Variants in PIK3AP1 observed in about 807,000 individuals in gnomAD.
PIK3AP1 encodes the protein phosphoinositide 3-kinase adapter protein 1.
Under a neutral mutation model 88.1 loss-of-function variants are expected in PIK3AP1, and 21 were observed. That is an observed-to-expected ratio of 0.24 (90% CI 0.17 to 0.34). PIK3AP1 has a LOEUF of 0.34. Among genes scored for constraint, PIK3AP1 ranks in the 10% least tolerant of loss-of-function variants. The pLI, the probability that PIK3AP1 is intolerant of heterozygous loss-of-function variation, is 1.00. For missense variants in PIK3AP1, 828 were observed against 1,035.7 expected (o/e 0.80, Z 2.75); for synonymous variants, 398 against 400.0 (o/e 1.00, Z 0.06).
At chr10:96,637,869 T>C (rs944421689) in intron 8 of PIK3AP1, among the ~76,000 whole-genome samples, 8 of 152,170 alleles carry the variant, frequency 5.3e-5, no homozygotes, top group African/African-American at 1.4e-4. Context: ...CTACTCCTGG[T>C]TGGACATCAA....
In PIK3AP1 at chr10:96,626,826, A is replaced by G. The variant is rs142087930; in HGVS notation, c.1551T>C (p.Asp517=). The G allele has an allele frequency of 7.4e-4, 1,188 of 1,614,208 alleles. No individual in the cohort carries two copies. Among genetic ancestry groups the G allele is most frequent in the Non-Finnish European group, 9.5e-4 (1,123 of 1,179,986 alleles). ...GGTCCACAGAAAAGGCCTCATCGTCATCCACCGTGTGATAAACATCTTCTT... is the reference window on the plus strand; with the variant it reads ...GGTCCACAGAAAAGGCCTCATCGTCGTCCACCGTGTGATAAACATCTTCTT... ...GQEEDVYHTV[D]DDEAFSVDLA... The change falls in exon 10 of 17, where the codon GAT becomes GAC. Residue 517 remains aspartate (D), a synonymous_variant. Transcript: ENST00000339364.
chr10:96,602,425 G>C (rs752791549), intron 15 of PIK3AP1, 27 bp from the exon 16 acceptor site: 1 of 1,577,628 alleles, frequency 6.3e-7, no homozygotes, highest in Non-Finnish European at 8.7e-7. Context: ...GAGAAAGAAA[G>C]GCGAAAACTA....
At chr10:96,714,429 G>C (rs974703402) in intron 1 of PIK3AP1, among the ~76,000 whole-genome samples, 4 of 152,218 alleles carry the variant, frequency 2.6e-5, no homozygotes, top group African/African-American at 9.7e-5. Context: ...GCAGGGATCT[G>C]ACTCCAAAGT....
intron 16 of PIK3AP1, among the ~76,000 whole-genome samples, chr10:96,598,053 T>TTTTG (rs1564948618): frequency 4.7e-4 from 70 of 150,042 alleles, no homozygotes; most frequent in African/African-American, 1.6e-3. Flanking sequence ...TGTTTTTTTT[T>TTTTG]TTTTTTTTGA....
intron 2 of PIK3AP1, among the ~76,000 whole-genome samples, chr10:96,677,619 ACACACAC>A (rs1564980837): frequency 6.6e-6 from 1 of 151,372 alleles, no homozygotes; most frequent in African/African-American, 2.4e-5. Context: ...ACACACACAC[ACACACAC>A]AAAAGGCCTT....
intron 2 of PIK3AP1, among the ~76,000 whole-genome samples, chr10:96,709,186 A>G (rs181394302): frequency 6.6e-6 from 1 of 150,804 alleles, no homozygotes; most frequent in East Asian, 2.0e-4. Context: ...TCGCGTGATG[A>G]TAAAATGGAA....
intron 15 of PIK3AP1, among the ~76,000 whole-genome samples, chr10:96,602,691 AG>A (rs1848920373): frequency 6.6e-6 from 1 of 152,210 alleles, no homozygotes; most frequent in Admixed American, 6.5e-5. Flanking sequence ...GAAGCTTATT[AG>A]AAATGCCCAC....
At chr10:96,613,280 T>C (rs1589487761) in intron 13 of PIK3AP1, among the ~76,000 whole-genome samples, 1 of 152,134 alleles carries the variant, frequency 6.6e-6, no homozygotes, top group Non-Finnish European at 1.5e-5. Context: ...ATTACAGGTG[T>C]GAGCCACTGC....
At chr10:96,654,622 C>T (rs544271984) in intron 3 of PIK3AP1, among the ~76,000 whole-genome samples, 17 of 152,312 alleles carry the variant, frequency 1.1e-4, no homozygotes, top group Middle Eastern at 3.4e-3. Context: ...GACCAAACCC[C>T]GGCCTGCCCC....
intron 11 of PIK3AP1, among the ~76,000 whole-genome samples, chr10:96,622,518 G>A (rs1307010866): frequency 3.3e-5 from 5 of 152,272 alleles, no homozygotes; most frequent in Middle Eastern, 3.4e-3. Context: ...CCTCAGAGAC[G>A]TTTATCTATC....
chr10:96,697,989 A>G (rs1263543545), intron 2 of PIK3AP1, among the ~76,000 whole-genome samples: 1 of 152,226 alleles, frequency 6.6e-6, no homozygotes, highest in Non-Finnish European at 1.5e-5. Context: ...CAGACTTTCC[A>G]TATCAACACA....
At chr10:96,617,344 T>C (rs1036469719) in intron 12 of PIK3AP1, among the ~76,000 whole-genome samples, 3 of 152,174 alleles carry the variant, frequency 2.0e-5, no homozygotes, top group African/African-American at 7.2e-5. Flanking sequence ...CAATTAACAA[T>C]AACGCCGAAG....
At position 96,623,526 on chromosome 10, in the gene PIK3AP1, T is replaced by C. The variant is rs1355557347; in HGVS notation, c.1681A>G (p.Lys561Glu). The C allele has an allele frequency of 1.2e-6, 2 of 1,608,476 alleles. No individual in the cohort carries two copies. The highest frequency in any genetic ancestry group is 1.7e-5 in the Admixed American group (1 of 60,012). ...EPYIFKVFAE[K>E]SQERPGNFYV... ...AAATTCCCAGGCCGCTCTTGACTTTTTTCTGCAAAAACTATGAGATAAAGA... is the reference window on the plus strand; with the variant it reads ...AAATTCCCAGGCCGCTCTTGACTTTCTTCTGCAAAAACTATGAGATAAAGA... Residue 561 changes from lysine to glutamate, a missense_variant, in exon 11 of 17, where the codon AAA (lysine) becomes GAA (glutamate). This residue lies in a region of PIK3AP1 where 610 missense variants were observed against 760.1 expected (regional missense o/e 0.80). Transcript: ENST00000339364.
intron 1 of PIK3AP1, among the ~76,000 whole-genome samples, chr10:96,718,464 G>A (rs1159065186): frequency 6.6e-6 from 1 of 152,148 alleles, no homozygotes; most frequent in Non-Finnish European, 1.5e-5. Flanking sequence ...GAACCCGAGG[G>A]ACTCCAGAGA....
At position 96,709,546 on chromosome 10, in the gene PIK3AP1, A is replaced by G. The variant is rs575966995; in HGVS notation, c.430+21T>C. The G allele has an allele frequency of 4.9e-5, 77 of 1,576,634 alleles. 1 individual carries two copies. The Middle Eastern group carries it at 2.0e-3, about 42-fold the overall frequency. ...TTAGCAACTTTTCTAGGGCTTGCTT[A>G]TCTTTAGAAGAAATCCTTACCTTCG... is the stretch of plus-strand genomic sequence containing the variant. On this transcript the variant is annotated intron_variant, in intron 2 of 16. Coordinates refer to ENST00000339364, the MANE Select transcript of PIK3AP1 (RefSeq NM_152309.3).
At chr10:96,687,721 T>G (rs1844094116) in intron 2 of PIK3AP1, among the ~76,000 whole-genome samples, 1 of 152,204 alleles carries the variant, frequency 6.6e-6, no homozygotes, top group Non-Finnish European at 1.5e-5. Context: ...CCCTCATGCC[T>G]GCATTAAAGA....
rs1375578559 is a variant in PIK3AP1 at position 96,679,490 on chromosome 10, T to G, written c.431-22556A>C. 4.6e-5 allele frequency among the ~76,000 whole-genome samples: 7 copies of G among 151,690 alleles called. No homozygotes were observed. The East Asian group carries it at 1.4e-3, about 29-fold the overall frequency. On this transcript the variant is annotated intron_variant, in intron 2 of 16. Coordinates refer to ENST00000339364, the MANE Select transcript of PIK3AP1 (RefSeq NM_152309.3). ...TTGCAGTAAGCCGAGATCTCGCTGCTGCACTCCAGCCTGGGCGACAGAGCA... is the reference window on the plus strand; with the variant it reads ...TTGCAGTAAGCCGAGATCTCGCTGCGGCACTCCAGCCTGGGCGACAGAGCA...
chr10:96,678,614 T>C (rs1003267162), intron 2 of PIK3AP1, among the ~76,000 whole-genome samples: 9 of 152,216 alleles, frequency 5.9e-5, no homozygotes, highest in Admixed American at 5.2e-4. Flanking sequence ...ATAAATGCAC[T>C]ATAGAAGGAG....
At chr10:96,610,889 A>G (rs1849096373) in intron 13 of PIK3AP1, among the ~76,000 whole-genome samples, 1 of 152,204 alleles carries the variant, frequency 6.6e-6, no homozygotes, top group South Asian at 2.1e-4. Context: ...TCTCAAGCCC[A>G]GGGGCAGGGT....
Sources: gnomAD v4.1 joint callset for allele counts (sites outside exome capture counted in the v4.1 genomes callset) on GRCh38, gnomAD v4.1.1 for gene constraint, gnomAD v4.1.1 regional missense constraint, MANE v1.5 for transcripts, NCBI Gene and HGNC (gene_info 2026-07-23, HGNC 2026-07-21) for gene names.